The following FGF9 variants were observed in gnomAD, a reference collection of about 807,000 sequenced individuals.
FGF9 encodes fibroblast growth factor 9 (glia-activating factor).
FGF9 carries 3 observed loss-of-function variants against 19.9 expected under a neutral mutation model. The observed-to-expected ratio is 0.15, with a 90% CI of 0.07 to 0.39. The LOEUF (loss-of-function observed/expected upper bound fraction) is 0.39. FGF9 is among the 10% of genes least tolerant of loss of function. The pLI, the probability that FGF9 is intolerant of heterozygous loss-of-function variation, is 1.00. For synonymous variants in FGF9, 107 were observed against 106.9 expected (o/e 1.00, Z -0.01); for missense variants, 175 against 256.8 (o/e 0.68, Z 2.18).
intron 2 of FGF9, among the ~76,000 whole-genome samples, chr13:21,700,954 G>A (rs756044778): frequency 1.3e-4 from 20 of 152,104 alleles, no homozygotes; most frequent in Non-Finnish European, 2.6e-4. Flanking sequence ...GTGTAGCAAC[G>A]GAATGTTACT....
At chr13:21,686,176 G>C (rs567453879) in intron 2 of FGF9, among the ~76,000 whole-genome samples, 4 of 152,212 alleles carry the variant, frequency 2.6e-5, no homozygotes, top group Non-Finnish European at 5.9e-5. Context: ...ATTACAGTGC[G>C]TGCCACCAAG....
chr13:21,701,516 G>C lies in FGF9; in HGVS notation c.*81G>C, dbSNP rs934018025. On this transcript the variant is annotated 3_prime_UTR_variant, in exon 3 of 3. Coordinates refer to ENST00000382353, the MANE Select transcript of FGF9 (RefSeq NM_002010.3). ...CGCGGTGGGTTCTTATTGATTCGCT[G>C]TGTCATCACATCAGCTCCACTGTTG... is the stretch of plus-strand genomic sequence containing the variant. 3 of 1,595,824 alleles carry C rather than the reference G, an allele frequency of 1.9e-6. No individual in the cohort carries two copies. In the African/African-American group the frequency reaches 4.0e-5, roughly 21 times the overall value.
chr13:21,687,230 C>T (rs141237991), intron 2 of FGF9, among the ~76,000 whole-genome samples: 2 of 152,250 alleles, frequency 1.3e-5, no homozygotes, highest in Admixed American at 1.3e-4. Flanking sequence ...GCATGGTGTT[C>T]CATATTGTGG....
intron 2 of FGF9, among the ~76,000 whole-genome samples, chr13:21,683,889 G>A (rs896649566): frequency 1.3e-5 from 2 of 152,230 alleles, no homozygotes; most frequent in Non-Finnish European, 1.5e-5. Context: ...TCTTGCTTTT[G>A]AAGGATACAG....
intron 2 of FGF9, 117 bp from the exon 3 acceptor site, chr13:21,701,073 A>T: frequency 1.3e-6 from 1 of 778,858 alleles, no homozygotes; most frequent in Non-Finnish European, 2.2e-6. Flanking sequence ...CAGGTTTGTT[A>T]AATAGATAAA....
At position 21,701,213 on chromosome 13, in the gene FGF9, A is replaced by T; in HGVS notation, c.405A>T (p.Val135=). Residue 135 remains valine, a synonymous_variant, in exon 3 of 3, where the codon GTA becomes GTT. Coordinates refer to ENST00000382353, the MANE Select transcript of FGF9 (RefSeq NM_002010.3). ...AGGAAAAACTAACCCAAGAGTGTGT[A>T]TTCAGAGAACAGTTCGAAGAAAACT... ...YGSEKLTQEC[V]FREQFEENWY... 6.2e-7 allele frequency: 1 copy of T among 1,613,838 alleles called. No individual in the cohort carries two copies. The highest frequency in any genetic ancestry group is 8.5e-7 in the Non-Finnish European group (1 of 1,179,834).
chr13:21,671,949 G>A lies in FGF9; in HGVS notation c.37G>A (p.Val13Met). ...PLGEVGNYFG[V>M]QDAVPFGNVP... The stretch of plus-strand genomic sequence containing the variant: ...AGGTGAAGTTGGGAACTATTTCGGT[G>A]TGCAGGATGCGGTACCGTTTGGGAA... The change falls in exon 1 of 3, where the codon GTG (valine) becomes ATG (methionine). Residue 13 changes from valine to methionine, a missense_variant. Val to Met is a conservative substitution (Grantham distance 21, BLOSUM62 1). Around this residue, in one of 3 missense-constraint regions of FGF9, gnomAD observed 69 missense variants for 73.6 expected, o/e 0.94. Transcript: ENST00000382353. 6.2e-7 allele frequency: 1 copy of A among 1,614,182 alleles called. No individual in the cohort carries two copies. The highest frequency in any genetic ancestry group is 2.2e-5 in the East Asian group (1 of 44,880).
intron 1 of FGF9, among the ~76,000 whole-genome samples, chr13:21,677,936 A>T (rs1244401954): frequency 6.6e-6 from 1 of 152,166 alleles, no homozygotes; most frequent in Admixed American, 6.6e-5. Context: ...AGAAACCCAG[A>T]TGAGCTGCCC....
At position 21,691,870 on chromosome 13, in the gene FGF9, C is replaced by T. The variant is rs940980573; in HGVS notation, c.382-9320C>T. ...CACCCCCGTTGCAGAGGGCTTCCCC[C>T]GAGGACTAAAAGGTTATGGTGCTAA... On this transcript the variant is annotated intron_variant, in intron 2 of 2. Coordinates refer to ENST00000382353, the MANE Select transcript of FGF9 (RefSeq NM_002010.3). This position sits in a 1 kb window ranked among gnomAD's most constrained non-coding sequence, Gnocchi z 4.2. Among the ~76,000 whole-genome samples, 10 of 152,172 alleles carry T rather than the reference C, an allele frequency of 6.6e-5. No homozygotes were observed. The highest frequency in any genetic ancestry group is 1.9e-4 in the African/African-American group (8 of 41,440).
chr13:21,692,195 C>T (rs1872307654), intron 2 of FGF9, among the ~76,000 whole-genome samples: 2 of 152,198 alleles, frequency 1.3e-5, no homozygotes, highest in African/African-American at 4.8e-5. Flanking sequence ...TGTGTGTTCA[C>T]ACATAATCAG....
At chr13:21,678,868 C>T (rs895814934) in intron 1 of FGF9, among the ~76,000 whole-genome samples, 4 of 152,174 alleles carry the variant, frequency 2.6e-5, no homozygotes, top group African/African-American at 9.7e-5. Context: ...ACATTAATTT[C>T]AGGGTATGTA....
chr13:21,683,758 G>A (rs377308165), intron 2 of FGF9, among the ~76,000 whole-genome samples: 1 of 152,230 alleles, frequency 6.6e-6, no homozygotes, highest in Admixed American at 6.5e-5. Flanking sequence ...TTGCGGAAAC[G>A]TCTTCAGCTG....
Position 21,672,292 on chromosome 13 carries a change from C to T in FGF9, c.277+103C>T, listed in dbSNP as rs1185668335. 29 of 1,219,514 alleles carry T rather than the reference C, an allele frequency of 2.4e-5. No individual in the cohort carries two copies. The highest frequency in any genetic ancestry group is 3.3e-5 in the Non-Finnish European group (27 of 829,512). The allele number at this position is 1,219,514 out of a possible 1,614,324, so 75.5% of individuals were successfully genotyped here. On this transcript the variant is annotated intron_variant, in intron 1 of 2. Coordinates refer to ENST00000382353, the MANE Select transcript of FGF9 (RefSeq NM_002010.3). The surrounding 1 kb of genome is among the most constrained non-coding windows in gnomAD (Gnocchi z 4.2). ...TGGGGGACGTGGGAAGGGTTCTCCC[C>T]TCCTCCCCTCTTTCTCTGTATCTCT...
At chr13:21,681,319 C>T (rs1311918231) in intron 2 of FGF9, 174 bp downstream of exon 2, 3 of 544,520 alleles carry the variant, frequency 5.5e-6, no homozygotes, top group East Asian at 6.0e-5. Flanking sequence ...AACAGCTCTG[C>T]ACCTTCACTA....
chr13:21,699,939 C>G (rs1329482270), intron 2 of FGF9, among the ~76,000 whole-genome samples: 3 of 152,012 alleles, frequency 2.0e-5, no homozygotes, highest in African/African-American at 7.3e-5. Context: ...CCAGTAAGTC[C>G]TGTCACCTTA....
intron 2 of FGF9, among the ~76,000 whole-genome samples, chr13:21,693,103 T>C (rs1872329129): frequency 6.6e-6 from 1 of 152,132 alleles, no homozygotes; most frequent in South Asian, 2.1e-4. Context: ...GCATATTCAT[T>C]TGGTGTCTTG....
chr13:21,678,544 C>T (rs1871967531), intron 1 of FGF9, among the ~76,000 whole-genome samples: 1 of 152,108 alleles, frequency 6.6e-6, no homozygotes, highest in Non-Finnish European at 1.5e-5. Context: ...ATCATTGCTG[C>T]TGCTGTTATT....
intron 2 of FGF9, among the ~76,000 whole-genome samples, chr13:21,694,796 A>G (rs752985237): frequency 6.6e-6 from 1 of 152,220 alleles, no homozygotes; most frequent in African/African-American, 2.4e-5. Flanking sequence ...ACAAGCAAAA[A>G]TACTTCTCAA....
intron 1 of FGF9, among the ~76,000 whole-genome samples, chr13:21,676,709 C>A (rs1169566696): frequency 6.6e-6 from 1 of 152,220 alleles, no homozygotes; most frequent in African/African-American, 2.4e-5. Context: ...TCTCGACAGT[C>A]TGCCTACATT....
Sources: allele counts gnomAD v4.1 joint callset (sites outside exome capture counted in the v4.1 genomes callset), GRCh38; gene constraint gnomAD v4.1.1; regional missense constraint gnomAD v4.1.1; non-coding constraint Gnocchi (gnomAD v3.1); transcripts MANE v1.5; gene names NCBI Gene and HGNC (gene_info 2026-07-23, HGNC 2026-07-21).